HSF5: variants seen among roughly 807,000 people sequenced by gnomAD.
The protein encoded by HSF5 is heat shock factor protein 5.
Under a neutral mutation model 50.8 loss-of-function variants are expected in HSF5, and 5 were observed. The observed-to-expected ratio is 0.10, with a 90% confidence interval of 0.05 to 0.21. The LOEUF is 0.21. HSF5 is among the 10% of genes least tolerant of loss of function. The probability of loss-of-function intolerance (pLI) is 1.00; values close to 1 mark genes in which losing one functional copy is unlikely to be tolerated. For synonymous variants in HSF5, 307 were observed against 307.4 expected, an observed-to-expected ratio of 1.00 and a Z score of 0.02; for missense variants, 564 against 762.6, an observed-to-expected ratio of 0.74 and a Z score of 3.07.
intron 5 of HSF5, among the ~76,000 whole-genome samples, chr17:58,451,026 T>A (rs1598189248): frequency 6.6e-6 from 1 of 151,954 alleles, no homozygotes; most frequent in Admixed American, 6.6e-5. Flanking sequence ...GAGGCGGAGG[T>A]TGTAGTGAGC....
At chr17:58,485,250 G>A (rs1975153888) in intron 1 of HSF5, among the ~76,000 whole-genome samples, 1 of 152,012 alleles carries the variant, frequency 6.6e-6, no homozygotes, top group Non-Finnish European at 1.5e-5. Flanking sequence ...ACCACGCCCG[G>A]CCCCAGATTT....
Position 58,487,816 on chromosome 17 carries a change from C to T in HSF5, c.459G>A (p.Gln153=). The part of the protein sequence containing the change: ...EVPCRPPNRF[Q]RLLITSASAA... Reference sequence around the variant, plus strand: ...CGGAGGCCGAGGTGATGAGCAGCCGCTGGAAGCGGTTGGGCGGGCGGCAGG... The same window carrying T: ...CGGAGGCCGAGGTGATGAGCAGCCGTTGGAAGCGGTTGGGCGGGCGGCAGG... The change falls in exon 1 of 6, where the codon CAG becomes CAA. Residue 153 remains glutamine (Q), a synonymous_variant. Coordinates refer to ENST00000323777, the MANE Select transcript of HSF5 (RefSeq NM_001080439.3). 1 of 1,569,258 alleles carries T rather than the reference C, an allele frequency of 6.4e-7. No homozygotes were observed. The highest frequency in any genetic ancestry group is 1.4e-5 in the African/African-American group (1 of 72,338).
chr17:58,462,803 C>T lies in HSF5; in HGVS notation c.1521G>A (p.Gly507=). Residue 507 remains glycine, a synonymous_variant, in exon 4 of 6, where the codon GGG becomes GGA. Transcript: ENST00000323777. Reference sequence around the variant, plus strand: ...TTACCTGGTGTGTGCTGAATGGTGGCCCTTCCTGCACAAATACTACTGAAG... The same window carrying T: ...TTACCTGGTGTGTGCTGAATGGTGGTCCTTCCTGCACAAATACTACTGAAG... ...SPSSVVFVQE[G]PPFSTHQVDA... The T allele has an allele frequency of 1.9e-6, 3 of 1,608,452 alleles. No individual in the cohort carries two copies. Among genetic ancestry groups the T allele is most frequent in the Non-Finnish European group, 2.5e-6 (3 of 1,177,192 alleles).
intron 5 of HSF5, among the ~76,000 whole-genome samples, chr17:58,441,715 C>T (rs1023676732): frequency 2.6e-5 from 4 of 152,164 alleles, no homozygotes; most frequent in African/African-American, 9.7e-5. Context: ...GTGATGGAGA[C>T]AACAAATAGA....
chr17:58,444,477 C>T (rs929629146), intron 5 of HSF5, among the ~76,000 whole-genome samples: 8 of 152,168 alleles, frequency 5.3e-5, no homozygotes, highest in African/African-American at 1.9e-4. Flanking sequence ...GACAATCTCT[C>T]TATTTAACAA....
At chr17:58,426,979 C>T (rs1249049318) in intron 5 of HSF5, among the ~76,000 whole-genome samples, 2 of 151,978 alleles carry the variant, frequency 1.3e-5, no homozygotes, top group African/African-American at 2.4e-5. Context: ...TGGCCAGGTG[C>T]GGTGGCTCAC....
At chr17:58,444,949 A>G (rs1974540000) in intron 5 of HSF5, among the ~76,000 whole-genome samples, 1 of 152,216 alleles carries the variant, frequency 6.6e-6, no homozygotes, top group Non-Finnish European at 1.5e-5. Context: ...TTTTCCAAAG[A>G]TGATATACAA....
chr17:58,479,406 A>G (rs1325915303), intron 2 of HSF5, among the ~76,000 whole-genome samples: 1 of 152,060 alleles, frequency 6.6e-6, no homozygotes, highest in Non-Finnish European at 1.5e-5. Context: ...AGGTTCAAGC[A>G]ATTTTCTTGC....
intron 2 of HSF5, among the ~76,000 whole-genome samples, chr17:58,473,727 T>G (rs1203479233): frequency 2.0e-5 from 3 of 152,216 alleles, no homozygotes; most frequent in Admixed American, 2.0e-4. Context: ...ATGAGTCATT[T>G]TATGAGTTAG....
chr17:58,449,428 A>T (rs190585315), intron 5 of HSF5, among the ~76,000 whole-genome samples: 17 of 152,354 alleles, frequency 1.1e-4, no homozygotes, highest in Admixed American at 3.3e-4. Context: ...TGCCGGGCAC[A>T]GTGGCTCATG....
At chr17:58,478,491 GA>G (rs1477599612) in intron 2 of HSF5, among the ~76,000 whole-genome samples, 1 of 123,610 alleles carries the variant, frequency 8.1e-6, no homozygotes, top group African/African-American at 3.8e-5. Flanking sequence ...AAAAAAAAAA[GA>G]AAAGAAAAGA....
rs201768571 is a variant in HSF5, at chr17:58,424,189, ACAGCAGTATAAT to A, written c.1721-1771_1721-1760del. 6.2e-4 allele frequency among the ~76,000 whole-genome samples: 94 copies of A among 152,336 alleles called. No individual in the cohort carries two copies. In the East Asian group the frequency reaches 0.014, roughly 23 times the overall value. The stretch of plus-strand genomic sequence containing the variant: ...ATGAGTTTCTCATACTCCCATGATC[ACAGCAGTATAAT>A]CAGCAGTATTATTCACAATAGGCAA... On this transcript the variant is annotated intron_variant, in intron 5 of 5. Transcript: ENST00000323777.
rs2143714558 is a variant in HSF5 at position 58,420,666 on chromosome 17, T to C, written c.*1694A>G. ...CTCCTCTTCACATACTCTGACAAAATATTATATAGTCTGGCCAAAAGATAT... is the reference window on the plus strand; with the variant it reads ...CTCCTCTTCACATACTCTGACAAAACATTATATAGTCTGGCCAAAAGATAT... On this transcript the variant is annotated 3_prime_UTR_variant, in exon 6 of 6. Transcript: ENST00000323777. 2.0e-5 allele frequency: 3 copies of C among 152,316 alleles called. No individual in the cohort carries two copies. The highest frequency in any genetic ancestry group is 2.0e-4 in the Admixed American group (3 of 15,302). 9.4% of individuals were successfully genotyped at this position (152,316 alleles called of 1,614,324 possible). A position where few individuals can be genotyped will look rare whatever the true frequency, so the allele number is the denominator to read the frequency against.
At chr17:58,487,320 C>T (rs1274166755) in intron 1 of HSF5, among the ~76,000 whole-genome samples, 1 of 152,244 alleles carries the variant, frequency 6.6e-6, no homozygotes, top group African/African-American at 2.4e-5. Context: ...CTTCCAGACC[C>T]AATGTTTCAA....
intron 2 of HSF5, among the ~76,000 whole-genome samples, chr17:58,473,944 C>G (rs916845283): frequency 6.6e-6 from 1 of 151,970 alleles, no homozygotes; most frequent in African/African-American, 2.4e-5. Flanking sequence ...CTCCTGAGCT[C>G]AAGCAATCTT....
chr17:58,451,235 T>A (rs1974637087), intron 5 of HSF5, among the ~76,000 whole-genome samples: 1 of 152,090 alleles, frequency 6.6e-6, no homozygotes, highest in Non-Finnish European at 1.5e-5. Context: ...TGCAAAATAA[T>A]AATAGTAGAG....
intron 5 of HSF5, among the ~76,000 whole-genome samples, chr17:58,451,637 C>G (rs563878201): frequency 5.9e-5 from 9 of 152,010 alleles, no homozygotes; most frequent in Non-Finnish European, 1.0e-4. Context: ...TTCCTTGAGA[C>G]AAATGAAAGT....
chr17:58,461,834 C>T (rs894429220), intron 4 of HSF5, among the ~76,000 whole-genome samples: 1 of 152,144 alleles, frequency 6.6e-6, no homozygotes, highest in Non-Finnish European at 1.5e-5. Flanking sequence ...TGCACCACTG[C>T]ACTCCAGCCT....
intron 3 of HSF5, among the ~76,000 whole-genome samples, chr17:58,465,764 T>C (rs1194181716): frequency 6.6e-6 from 1 of 152,200 alleles, no homozygotes; most frequent in Admixed American, 6.5e-5. Context: ...CTTTGGCAGT[T>C]ACAGCATAAA....
Sources: gnomAD v4.1 joint callset for allele counts (sites outside exome capture counted in the v4.1 genomes callset) on GRCh38, gnomAD v4.1.1 for gene constraint, MANE v1.5 for transcripts, NCBI Gene and HGNC (gene_info 2026-07-23, HGNC 2026-07-21) for gene names.